Variants in MRPS31 observed in about 807,000 individuals in gnomAD.
The protein encoded by MRPS31 is small ribosomal subunit protein mS31.
MRPS31 carries 32 observed loss-of-function variants against 43.1 expected under a neutral mutation model. That is an observed-to-expected ratio of 0.74 (90% CI 0.56 to 1.00). The LOEUF (loss-of-function observed/expected upper bound fraction) is 1.00. Among genes scored for constraint, MRPS31 ranks in the 50% least tolerant of loss-of-function variants. The pLI is 0.00. For synonymous variants in MRPS31, 165 were observed against 161.6 expected (o/e 1.02, Z -0.16); for missense variants, 437 against 466.7 (o/e 0.94, Z 0.59).
At chr13:40,740,937 A>T (rs546255502) in intron 6 of MRPS31, among the ~76,000 whole-genome samples, 1 of 125,796 alleles carries the variant, frequency 7.9e-6, no homozygotes, top group African/African-American at 3.5e-5. Context: ...AAAGTATAAT[A>T]AAAAAAAATT....
intron 6 of MRPS31, 90 bp from the exon 7 acceptor site, chr13:40,729,691 C>T: frequency 2.4e-6 from 2 of 823,628 alleles, no homozygotes; most frequent in Non-Finnish European, 3.8e-6. Context: ...TATAATATTA[C>T]AGTTTAAGGC....
At chr13:40,753,975 T>C in intron 5 of MRPS31, 44 bp downstream of exon 5, 3 of 1,210,666 alleles carry the variant, frequency 2.5e-6, no homozygotes, top group Non-Finnish European at 2.4e-6. Flanking sequence ...CCTGGAACGA[T>C]GGAATGTTTC....
chr13:40,768,320 G>A (rs967649914), intron 1 of MRPS31, among the ~76,000 whole-genome samples: 11 of 152,106 alleles, frequency 7.2e-5, no homozygotes, highest in Non-Finnish European at 1.0e-4. Flanking sequence ...TGAAGCTGAC[G>A]TGCTACAGCA....
At chr13:40,764,360 AT>A (rs113864345) in intron 2 of MRPS31, among the ~76,000 whole-genome samples, 1,739 of 151,588 alleles carry the variant, frequency 0.011, 29 homozygotes, top group African/African-American at 0.037. Context: ...GTTATATTGT[AT>A]TTTTTTTTAA....
intron 2 of MRPS31, among the ~76,000 whole-genome samples, chr13:40,759,431 CTG>C (rs1880630538): frequency 6.6e-6 from 1 of 151,942 alleles, no homozygotes; most frequent in African/African-American, 2.4e-5. Flanking sequence ...GAGCGAGACT[CTG>C]TCTCAAAAAA....
chr13:40,766,134 A>T (rs1379539426), intron 2 of MRPS31, among the ~76,000 whole-genome samples: 1 of 152,240 alleles, frequency 6.6e-6, no homozygotes, highest in East Asian at 1.9e-4. Context: ...TAACAGCTTA[A>T]AGAGGCAATT....
At chr13:40,769,808 G>C (rs535924778) in intron 1 of MRPS31, among the ~76,000 whole-genome samples, 28 of 152,084 alleles carry the variant, frequency 1.8e-4, no homozygotes, top group African/African-American at 6.5e-4. Context: ...TACATTATAG[G>C]AAAATCACGT....
chr13:40,766,874 CT>C lies in MRPS31; in HGVS notation c.311del (p.Lys104ArgfsTer3). The part of the protein sequence containing the change: ...NTKKDLLGII[K>X]GMKVELSTVN... ...CTGTGCTTAATTCAACTTTCATGCC[CT>C]TAATAATGCCTAACAAGTCTTTTTT... On this transcript the variant is annotated frameshift_variant, in exon 2 of 7. Transcript: ENST00000323563. LOFTEE classifies it high-confidence loss of function. 2 of 1,614,102 alleles carry C rather than the reference CT, an allele frequency of 1.2e-6. No homozygotes were observed. Among genetic ancestry groups the C allele is most frequent in the Non-Finnish European group, 1.7e-6 (2 of 1,180,018 alleles).
intron 1 of MRPS31, among the ~76,000 whole-genome samples, chr13:40,769,418 ATAT>A (rs1880945830): frequency 9.5e-6 from 1 of 104,912 alleles, no homozygotes. Context: ...ATATATATAT[ATAT>A]TATCAAGTTC....
chr13:40,760,958 T>C lies in MRPS31; in HGVS notation c.441-1852A>G, dbSNP rs565706596. Among the ~76,000 whole-genome samples the C allele has an allele frequency of 2.0e-4, 31 of 152,128 alleles. No homozygotes were observed. In the South Asian group the frequency reaches 2.5e-3, roughly 12 times the overall value. ...AAGTTATGAAAGATCTAAAATCTGA[T>C]AGGAATAGAAGAAAAAGAGAAGAAT... is the stretch of plus-strand genomic sequence containing the variant. On this transcript the variant is annotated intron_variant, in intron 2 of 6. Transcript: ENST00000323563.
At chr13:40,731,547 A>T (rs566214461) in intron 6 of MRPS31, among the ~76,000 whole-genome samples, 1 of 151,182 alleles carries the variant, frequency 6.6e-6, no homozygotes, top group East Asian at 1.9e-4. Context: ...GCGTCACTGC[A>T]CTCCAGCCTG....
intron 6 of MRPS31, among the ~76,000 whole-genome samples, chr13:40,742,123 A>G (rs1345541864): frequency 6.6e-6 from 1 of 152,190 alleles, no homozygotes; most frequent in Non-Finnish European, 1.5e-5. Context: ...CTCTTTTGCA[A>G]ATAAACTTTC....
chr13:40,767,082 A>C (rs754501433), intron 1 of MRPS31, 49 bp from the exon 2 acceptor site: 2 of 1,438,956 alleles, frequency 1.4e-6, no homozygotes, highest in Non-Finnish European at 1.9e-6. Flanking sequence ...TGCAGTCTAC[A>C]ATAAAGTAAA....
chr13:40,761,263 T>A (rs1277766037), intron 2 of MRPS31, among the ~76,000 whole-genome samples: 4 of 118,184 alleles, frequency 3.4e-5, no homozygotes, highest in African/African-American at 1.7e-4. Context: ...TGAGAGTCTG[T>A]CTCCAAAAAA....
intron 6 of MRPS31, among the ~76,000 whole-genome samples, chr13:40,741,424 A>T (rs960159426): frequency 2.6e-5 from 4 of 152,224 alleles, no homozygotes. Context: ...GCCCAACAGA[A>T]ACAGTCAAAG....
intron 6 of MRPS31, among the ~76,000 whole-genome samples, chr13:40,747,537 T>C (rs1754539191): frequency 6.6e-6 from 1 of 152,150 alleles, no homozygotes; most frequent in Non-Finnish European, 1.5e-5. Context: ...CAATATACAG[T>C]TTATGTAATA....
intron 6 of MRPS31, among the ~76,000 whole-genome samples, chr13:40,736,175 G>A (rs1464187423): frequency 1.3e-5 from 2 of 151,858 alleles, no homozygotes; most frequent in African/African-American, 4.8e-5. Flanking sequence ...GGAAGAAAGG[G>A]TATCAGCAAT....
rs868622225 is a variant in MRPS31 at position 40,766,959 on chromosome 13, C to G, written c.227G>C (p.Arg76Pro). Reference protein sequence around the residue: ...ICSKKDKQSVRTEETSKETSE... With the variant: ...ICSKKDKQSVPTEETSKETSE... Reference sequence around the variant, plus strand: ...AGTCTCCTTGGAAGTCTCCTCAGTTCGAACAGACTGCTTATCTTTCTTGCT... The same window carrying G: ...AGTCTCCTTGGAAGTCTCCTCAGTTGGAACAGACTGCTTATCTTTCTTGCT... The change falls in exon 2 of 7, where the codon CGA becomes CCA. Residue 76 changes from arginine (R) to proline (P), a missense_variant. Coordinates refer to ENST00000323563, the MANE Select transcript of MRPS31 (RefSeq NM_005830.4). 2 of 1,613,994 alleles carry G rather than the reference C, an allele frequency of 1.2e-6. No homozygotes were observed. The highest frequency in any genetic ancestry group is 8.5e-7 in the Non-Finnish European group (1 of 1,179,956).
chr13:40,738,034 C>G (rs970857115), intron 6 of MRPS31, among the ~76,000 whole-genome samples: 3 of 151,760 alleles, frequency 2.0e-5, no homozygotes, highest in Non-Finnish European at 2.9e-5. Context: ...AATTGATAGA[C>G]CACTAGCAAG....
Sources: allele counts gnomAD v4.1 joint callset (sites outside exome capture counted in the v4.1 genomes callset), GRCh38; gene constraint gnomAD v4.1.1; transcripts MANE v1.5; gene names NCBI Gene and HGNC (gene_info 2026-07-23, HGNC 2026-07-21).